Variants in MAP1A observed in about 807,000 individuals in gnomAD.
MAP1A encodes microtubule-associated protein 1A.
A neutral mutation model predicts 185.9 loss-of-function variants in MAP1A; 42 were observed. That is an observed-to-expected ratio of 0.23 (90% CI 0.18 to 0.29). MAP1A has a LOEUF of 0.29. MAP1A is among the 10% of genes least tolerant of loss of function. MAP1A has a pLI of 1.00. For missense variants in MAP1A, 2,995 were observed against 3,450.4 expected, an observed-to-expected ratio of 0.87 and a Z score of 3.31; for synonymous variants, 1,229 against 1,335.9, an observed-to-expected ratio of 0.92 and a Z score of 1.74.
rs754947126 is a variant in MAP1A at position 43,522,887 on chromosome 15, C to T, written c.1414C>T (p.Arg472Cys). The T allele has an allele frequency of 3.7e-6, 6 of 1,611,436 alleles. No individual in the cohort carries two copies. In the Admixed American group the frequency reaches 6.7e-5, roughly 18 times the overall value. Residue 472 changes from arginine (R) to cysteine (C), a missense_variant, in exon 4 of 6, where the codon CGT becomes TGT. Physicochemically the swap from Arg to Cys is radical, Grantham distance 180 (BLOSUM62 -3). Coordinates refer to ENST00000300231, the MANE Select transcript of MAP1A (RefSeq NM_002373.6). The surrounding 1 kb of genome is among the most constrained non-coding windows in gnomAD (Gnocchi z 5.9). ...PDLKPFTPEV[R>C]KTLYKAKVPG... ...CCTAAAGCCCTTTACTCCTGAGGTA[C>T]GTAAGACCCTCTATAAAGCCAAGGT...
chr15:43,521,857 C>T lies in MAP1A; in HGVS notation c.384C>T (p.Ile128=), dbSNP rs753823225. Residue 128 remains isoleucine (I), a synonymous_variant, in exon 4 of 6, where the codon ATC becomes ATT. Coordinates refer to ENST00000300231, the MANE Select transcript of MAP1A (RefSeq NM_002373.6). The surrounding 1 kb of genome is among the most constrained non-coding windows in gnomAD (Gnocchi z 4.6). ...SSYSDWVKNL[I]SPELGVVFFN... is the part of the protein sequence containing the mutation. ...ACAGCGACTGGGTGAAGAACCTTAT[C>T]TCTCCTGAGCTTGGAGTTGTCTTTT... 1.8e-5 allele frequency: 29 copies of T among 1,614,116 alleles called. No individual in the cohort carries two copies. Among genetic ancestry groups the T allele is most frequent in the Non-Finnish European group, 2.5e-5 (29 of 1,180,040 alleles).
chr15:43,517,611 C>T lies in MAP1A; in HGVS notation c.-464C>T. 9 of 855,776 alleles carry T rather than the reference C, an allele frequency of 1.1e-5. No homozygotes were observed. Among genetic ancestry groups the T allele is most frequent in the Non-Finnish European group, 1.1e-5 (8 of 712,492 alleles). The allele number at this position is 855,776 out of a possible 1,614,324, so 53.0% of individuals were successfully genotyped here. A position where few individuals can be genotyped will look rare whatever the true frequency, so the allele number is the denominator to read the frequency against. ...TCCCCCCCCCACCGCCCGCCCCACT[C>T]CCACCCTAAGTGCTGCAGACTCTTC... On this transcript the variant is annotated 5_prime_UTR_variant, in exon 1 of 6. Transcript: ENST00000300231.
At position 43,521,539 on chromosome 15, in the gene MAP1A, C is replaced by T. The variant is rs1391139436; in HGVS notation, c.66C>T (p.Asp22=). ...SETVDVPSPF[D]LLEPPTSGGF... ...CTGTGGACGTGCCATCCCCATTTGACCTACTAGAGCCCCCCACCTCAGGGG... is the reference window on the plus strand; with the variant it reads ...CTGTGGACGTGCCATCCCCATTTGATCTACTAGAGCCCCCCACCTCAGGGG... Residue 22 remains aspartate (D), a synonymous_variant, in exon 4 of 6, where the codon GAC becomes GAT. Coordinates refer to ENST00000300231, the MANE Select transcript of MAP1A (RefSeq NM_002373.6). The surrounding 1 kb of genome is among the most constrained non-coding windows in gnomAD (Gnocchi z 4.6). 4 of 1,614,030 alleles carry T rather than the reference C, an allele frequency of 2.5e-6. No homozygotes were observed. The highest frequency in any genetic ancestry group is 3.4e-6 in the Non-Finnish European group (4 of 1,180,032).
rs762837712 is a variant in MAP1A at position 43,529,283 on chromosome 15, C to T, written c.7810C>T (p.Arg2604Ter). The change falls in exon 4 of 6, where the codon CGA becomes TGA. Residue 2604 changes from arginine (R) to a stop codon, truncating the protein, a stop_gained. Coordinates refer to ENST00000300231, the MANE Select transcript of MAP1A (RefSeq NM_002373.6). LOFTEE classifies it high-confidence loss of function. This position sits in a 1 kb window ranked among gnomAD's most constrained non-coding sequence, Gnocchi z 4.3. ...RLREKEKVQG[R>*]VGRRAPGKAK... ...ACGGGAGAAGGAAAAGGTTCAGGGG[C>T]GAGTAGGGCGCAGGGCCCCAGGCAA... 2 of 1,612,674 alleles carry T rather than the reference C, an allele frequency of 1.2e-6. No individual in the cohort carries two copies. Among genetic ancestry groups the T allele is most frequent in the Non-Finnish European group, 1.7e-6 (2 of 1,179,458 alleles).
upstream of MAP1A, among the ~76,000 whole-genome samples, chr15:43,517,004 C>A (rs183689134): frequency 2.0e-5 from 3 of 152,304 alleles, no homozygotes; most frequent in East Asian, 5.8e-4. Flanking sequence ...GTGCCCCACC[C>A]CAACAGGCTA....
At position 43,526,666 on chromosome 15, in the gene MAP1A, T is replaced by C. The variant is rs139604202; in HGVS notation, c.5193T>C (p.Asp1731=). The change falls in exon 4 of 6, where the codon GAT becomes GAC. Residue 1731 remains aspartate (D), a synonymous_variant. Coordinates refer to ENST00000300231, the MANE Select transcript of MAP1A (RefSeq NM_002373.6). The surrounding 1 kb of genome is among the most constrained non-coding windows in gnomAD (Gnocchi z 4.7). ...AGGAACGGGAAAGCACTTTCCTAGA[T>C]GAGGGCCCAGATGATGAGCAAGAAG... ...YTEERESTFL[D]EGPDDEQEVP... is the part of the protein sequence containing the mutation. The C allele has an allele frequency of 6.1e-5, 99 of 1,613,842 alleles. No individual in the cohort carries two copies. Among genetic ancestry groups the C allele is most frequent in the Non-Finnish European group, 8.0e-5 (94 of 1,180,020 alleles).
At chr15:43,518,158 G>C (rs969983799) in intron 1 of MAP1A, among the ~76,000 whole-genome samples, 1 of 152,112 alleles carries the variant, frequency 6.6e-6, no homozygotes, top group Non-Finnish European at 1.5e-5. Flanking sequence ...AGGGCAGTGA[G>C]TTTTTGCCAA....
chr15:43,526,880 C>T lies in MAP1A; in HGVS notation c.5407C>T (p.Pro1803Ser). Residue 1803 changes from proline (P) to serine (S), a missense_variant, in exon 4 of 6, where the codon CCT (proline) becomes TCT (serine). By Grantham distance (74) the Pro-to-Ser change is moderately conservative (BLOSUM62 -1). Coordinates refer to ENST00000300231, the MANE Select transcript of MAP1A (RefSeq NM_002373.6). The surrounding 1 kb of genome is among the most constrained non-coding windows in gnomAD (Gnocchi z 4.7). ...FEIISPPASP[P>S]EMVGQRVPSA... ...GATCATCTCCCCTCCAGCTTCCCCA[C>T]CTGAGATGGTTGGACAAAGGGTTCC... The T allele has an allele frequency of 1.2e-6, 2 of 1,614,158 alleles. No homozygotes were observed. The highest frequency in any genetic ancestry group is 8.5e-7 in the Non-Finnish European group (1 of 1,180,024).
In MAP1A at chr15:43,526,841, C is replaced by T. The variant is rs745846173; in HGVS notation, c.5368C>T (p.Arg1790Cys). 133 of 1,613,980 alleles carry T rather than the reference C, an allele frequency of 8.2e-5. No individual in the cohort carries two copies. The highest frequency in any genetic ancestry group is 1.1e-4 in the Non-Finnish European group (127 of 1,180,014). ...LPPEEEDKLT[R>C]SPFEIISPPA... ...ACCAGAGGAAGAGGACAAACTGACC[C>T]GCTCTCCCTTTGAGATCATCTCCCC... Residue 1790 changes from arginine to cysteine, a missense_variant, in exon 4 of 6, where the codon CGC becomes TGC. This residue lies in a region of MAP1A where 2,728 missense variants were observed against 2,986.0 expected (regional missense o/e 0.91). Transcript: ENST00000300231. This position sits in a 1 kb window ranked among gnomAD's most constrained non-coding sequence, Gnocchi z 4.7.
In MAP1A at chr15:43,521,899, G is replaced by A; in HGVS notation, c.426G>A (p.Lys142=). Residue 142 remains lysine, a synonymous_variant, in exon 4 of 6, where the codon AAG becomes AAA. Coordinates refer to ENST00000300231, the MANE Select transcript of MAP1A (RefSeq NM_002373.6). This position sits in a 1 kb window ranked among gnomAD's most constrained non-coding sequence, Gnocchi z 4.6. ...LGVVFFNVPE[K]LRLPDASRKA... ...TTGTCTTTTTCAACGTGCCTGAGAA[G>A]CTGCGGCTTCCTGATGCCTCCCGGA... is the stretch of plus-strand genomic sequence containing the variant. 6.2e-7 allele frequency: 1 copy of A among 1,614,180 alleles called. No individual in the cohort carries two copies. The highest frequency in any genetic ancestry group is 8.5e-7 in the Non-Finnish European group (1 of 1,180,018).
upstream of MAP1A, among the ~76,000 whole-genome samples, chr15:43,516,178 C>A (rs62020611): frequency 2.6e-5 from 4 of 152,114 alleles, no homozygotes; most frequent in Non-Finnish European, 5.9e-5. Flanking sequence ...CAGAACTCAG[C>A]CTGGTTTTCC....
At position 43,525,763 on chromosome 15, in the gene MAP1A, A is replaced by T; in HGVS notation, c.4290A>T (p.Glu1430Asp). The change falls in exon 4 of 6, where the codon GAA (glutamate) becomes GAT (aspartate). Residue 1430 changes from glutamate to aspartate, a missense_variant. Coordinates refer to ENST00000300231, the MANE Select transcript of MAP1A (RefSeq NM_002373.6). ...TAGAACAGAAGGACAAGGCCCTGGAACCAAAAGACAAAGACTTAGAAGAAA... is the reference window on the plus strand; with the variant it reads ...TAGAACAGAAGGACAAGGCCCTGGATCCAAAAGACAAAGACTTAGAAGAAA... ...TALEQKDKAL[E>D]PKDKDLEEKD... 6.2e-7 allele frequency: 1 copy of T among 1,614,212 alleles called. No individual in the cohort carries two copies. Among genetic ancestry groups the T allele is most frequent in the Non-Finnish European group, 8.5e-7 (1 of 1,180,040 alleles).
chr15:43,520,624 C>T lies in MAP1A; in HGVS notation c.-374-17C>T. 4 of 1,472,618 alleles carry T rather than the reference C, an allele frequency of 2.7e-6. No individual in the cohort carries two copies. The highest frequency in any genetic ancestry group is 1.7e-4 in the Middle Eastern group (1 of 5,868). 91.2% of individuals were successfully genotyped at this position (1,472,618 alleles called of 1,614,324 possible). On this transcript the variant is annotated splice_polypyrimidine_tract_variant and intron_variant, in intron 1 of 5. Coordinates refer to ENST00000300231, the MANE Select transcript of MAP1A (RefSeq NM_002373.6). Reference sequence around the variant, plus strand: ...CTATACCTATTCTCAATATAAATTCCTACATCTCTCCCTCAGGCCAGAGGA... The same window carrying T: ...CTATACCTATTCTCAATATAAATTCTTACATCTCTCCCTCAGGCCAGAGGA...
chr15:43,525,650 G>T lies in MAP1A; in HGVS notation c.4177G>T (p.Ala1393Ser). 6.2e-7 allele frequency: 1 copy of T among 1,614,138 alleles called. No individual in the cohort carries two copies. The highest frequency in any genetic ancestry group is 8.5e-7 in the Non-Finnish European group (1 of 1,180,038). ...TACAGCCATCTATCAGAAAGATGAG[G>T]CTCTGCATGTAAAGAATGAGGCTGT... Reference protein sequence around the residue: ...KDTAIYQKDEALHVKNEAVKQ... With the variant: ...KDTAIYQKDESLHVKNEAVKQ... The change falls in exon 4 of 6, where the codon GCT (alanine) becomes TCT (serine). Residue 1393 changes from alanine (A) to serine (S), a missense_variant. Ala to Ser is a moderately conservative substitution (Grantham distance 99). Coordinates refer to ENST00000300231, the MANE Select transcript of MAP1A (RefSeq NM_002373.6).
chr15:43,511,154 T>G (rs1437107651), exon 1 of MAP1A: 1 of 1,550,524 alleles, frequency 6.4e-7, no homozygotes, highest in African/African-American at 1.4e-5. Flanking sequence ...GCAGAAGCAC[T>G]CTTTGCTAAT....
rs1437293289 is a variant in MAP1A at position 43,523,423 on chromosome 15, G to A, written c.1950G>A (p.Glu650=). Residue 650 remains glutamate (E), a synonymous_variant, in exon 4 of 6, where the codon GAG becomes GAA. Transcript: ENST00000300231. ...AGGAAAGTGAACCTGAAGTAAAGGAGGATGTGATAGAAAAGGCTGAGTTAG... is the reference window on the plus strand; with the variant it reads ...AGGAAAGTGAACCTGAAGTAAAGGAAGATGTGATAGAAAAGGCTGAGTTAG... ...AREESEPEVK[E]DVIEKAELEE... is the part of the protein sequence containing the mutation. 5 of 1,613,438 alleles carry A rather than the reference G, an allele frequency of 3.1e-6. No individual in the cohort carries two copies. Among genetic ancestry groups the A allele is most frequent in the South Asian group, 1.1e-5 (1 of 90,974 alleles).
chr15:43,510,954 G>C (rs2079272224), upstream of MAP1A: 1 of 1,430,820 alleles, frequency 7.0e-7, no homozygotes, highest in African/African-American at 1.4e-5. Flanking sequence ...TGCCTGCAGC[G>C]GAAGCTGCCG....
chr15:43,521,420 A>C lies in MAP1A; in HGVS notation c.-54A>C. 6.2e-7 allele frequency: 1 copy of C among 1,614,092 alleles called. No individual in the cohort carries two copies. The highest frequency in any genetic ancestry group is 8.5e-7 in the Non-Finnish European group (1 of 1,180,006). On this transcript the variant is annotated 5_prime_UTR_variant, in exon 4 of 6. Coordinates refer to ENST00000300231, the MANE Select transcript of MAP1A (RefSeq NM_002373.6). This position sits in a 1 kb window ranked among gnomAD's most constrained non-coding sequence, Gnocchi z 4.6. ...TGATTGGAGCCACCTGGGATTATCC[A>C]GTTCCCAAGAGACCCTGCACCTCCG... is the stretch of plus-strand genomic sequence containing the variant.
chr15:43,528,697 C>T lies in MAP1A; in HGVS notation c.7224C>T (p.Ser2408=), dbSNP rs1320205544. Residue 2408 remains serine (S), a synonymous_variant, in exon 4 of 6, where the codon TCC becomes TCT. Transcript: ENST00000300231. ...ERSSRPDTLL[S]PEQPVCPAGG... ...GCTCCCGGCCTGACACATTGCTCTC[C>T]CCTGAGCAGCCAGTGTGTCCTGCAG... 1.2e-6 allele frequency: 2 copies of T among 1,613,782 alleles called. No homozygotes were observed. Among genetic ancestry groups the T allele is most frequent in the East Asian group, 2.2e-5 (1 of 44,884 alleles).
Sources: gnomAD v4.1 joint callset for allele counts (sites outside exome capture counted in the v4.1 genomes callset) on GRCh38, gnomAD v4.1.1 for gene constraint, gnomAD v4.1.1 regional missense constraint, Gnocchi (gnomAD v3.1) non-coding constraint, MANE v1.5 for transcripts, NCBI Gene and HGNC (gene_info 2026-07-23, HGNC 2026-07-21) for gene names.